The following ADD3 variants were observed in gnomAD, a reference collection of about 807,000 sequenced individuals.
ADD3 encodes adducin 3.
In ADD3, 25 loss-of-function variants were observed where a neutral mutation model predicts 80.2. The ratio of observed to expected loss-of-function variants is 0.31; its 90% CI spans 0.23 to 0.44. The LOEUF is 0.44. Among genes scored for constraint, ADD3 ranks in the 20% least tolerant of loss-of-function variants. The pLI, the probability that ADD3 is intolerant of heterozygous loss-of-function variation, is 1.00. For missense variants in ADD3, 829 were observed against 847.5 expected, an observed-to-expected ratio of 0.98 and a Z score of 0.27; for synonymous variants, 284 against 289.6, an observed-to-expected ratio of 0.98 and a Z score of 0.20.
intron 1 of ADD3, among the ~76,000 whole-genome samples, chr10:110,019,760 C>T (rs968851443): frequency 6.6e-6 from 1 of 152,114 alleles, no homozygotes; most frequent in Non-Finnish European, 1.5e-5. Flanking sequence ...GCTGAATTCA[C>T]CAGTTTGTAG....
rs145970430 is a variant in ADD3 at position 110,069,040 on chromosome 10, T to C, written c.-29-31585T>C. ...CTGCAGTGAGCCATGATCATGCCGC[T>C]GCACCCAGCCTGGGCAATAGAGTGG... On this transcript the variant is annotated intron_variant, in intron 1 of 14. Coordinates refer to ENST00000356080, the MANE Select transcript of ADD3 (RefSeq NM_016824.5). Among the ~76,000 whole-genome samples, 214 of 152,078 alleles carry C rather than the reference T, an allele frequency of 1.4e-3. 4 individuals carry two copies. The highest frequency in any genetic ancestry group is 4.9e-3 in the African/African-American group (204 of 41,446).
At chr10:110,079,457 AGAGAGTGTGTGT>A (rs1460588633) in intron 1 of ADD3, among the ~76,000 whole-genome samples, 17 of 121,184 alleles carry the variant, frequency 1.4e-4, no homozygotes, top group African/African-American at 4.9e-4. Context: ...AGAGAGAGAG[AGAGAGTGTGTGT>A]GTGTGTGTGT....
intron 1 of ADD3, among the ~76,000 whole-genome samples, chr10:110,061,353 CT>C (rs35542149): frequency 6.6e-6 from 1 of 152,022 alleles, no homozygotes; most frequent in Non-Finnish European, 1.5e-5. Context: ...GGTTGTCAGT[CT>C]TTTTTTTGGG....
At chr10:110,013,793 G>A (rs1018569265) in intron 1 of ADD3, among the ~76,000 whole-genome samples, 1 of 152,350 alleles carries the variant, frequency 6.6e-6, no homozygotes, top group Middle Eastern at 3.4e-3. Context: ...TGATGTGAGT[G>A]ACTCAGCCTG....
At chr10:110,106,167 A>G (rs2078501450) in intron 2 of ADD3, 1 of 151,216 alleles carries the variant, frequency 6.6e-6, no homozygotes, top group Non-Finnish European at 1.5e-5. Flanking sequence ...TTTTTGCCCC[A>G]ATTTTCCTCT....
intron 1 of ADD3, among the ~76,000 whole-genome samples, chr10:110,028,309 C>A (rs891348014): frequency 1.3e-5 from 2 of 151,856 alleles, no homozygotes; most frequent in Non-Finnish European, 2.9e-5. Flanking sequence ...CGTGGTGGCT[C>A]ACGCCTGTAA....
At chr10:110,092,721 A>G (rs1048207334) in intron 1 of ADD3, among the ~76,000 whole-genome samples, 1 of 152,166 alleles carries the variant, frequency 6.6e-6, no homozygotes, top group Non-Finnish European at 1.5e-5. Flanking sequence ...TGAACCTAAC[A>G]TAAAAGGGGT....
At chr10:110,114,471 A>G (rs1850441560) in intron 3 of ADD3, among the ~76,000 whole-genome samples, 1 of 152,226 alleles carries the variant, frequency 6.6e-6, no homozygotes, top group African/African-American at 2.4e-5. Flanking sequence ...GAAAGGGGCT[A>G]CAGTCGAGTA....
intron 1 of ADD3, among the ~76,000 whole-genome samples, chr10:110,091,444 A>C (rs1011601687): frequency 6.6e-6 from 1 of 152,226 alleles, no homozygotes; most frequent in Non-Finnish European, 1.5e-5. Flanking sequence ...CACATAGACC[A>C]ATGGAACAGG....
intron 1 of ADD3, among the ~76,000 whole-genome samples, chr10:110,067,481 G>T (rs902963336): frequency 3.9e-5 from 6 of 152,176 alleles, no homozygotes; most frequent in African/African-American, 1.4e-4. Context: ...CAGCAGGAAT[G>T]AGTTTAAAGA....
At chr10:110,017,382 A>G (rs1203834090) in intron 1 of ADD3, among the ~76,000 whole-genome samples, 1 of 152,206 alleles carries the variant, frequency 6.6e-6, no homozygotes, top group Admixed American at 6.5e-5. Flanking sequence ...TGAACTTCCA[A>G]ATGTTTTCTA....
At chr10:110,036,862 G>A (rs1356676172) in intron 1 of ADD3, among the ~76,000 whole-genome samples, 1 of 152,180 alleles carries the variant, frequency 6.6e-6, no homozygotes, top group Non-Finnish European at 1.5e-5. Flanking sequence ...TCTGGAGTTA[G>A]ATATTAGGTG....
intron 1 of ADD3, among the ~76,000 whole-genome samples, chr10:110,080,428 A>T (rs1845938160): frequency 6.6e-6 from 1 of 152,216 alleles, no homozygotes; most frequent in African/African-American, 2.4e-5. Flanking sequence ...TATTGTATAT[A>T]TTGTGTGGTC....
intron 11 of ADD3, 26 bp from the exon 12 acceptor site, chr10:110,126,391 T>C: frequency 6.3e-7 from 1 of 1,586,900 alleles, no homozygotes; most frequent in Non-Finnish European, 8.6e-7. Flanking sequence ...CTCAAGAACT[T>C]TATATTGAAT....
At chr10:110,119,619 G>A in intron 8 of ADD3, 55 bp downstream of exon 8, 1 of 1,475,240 alleles carries the variant, frequency 6.8e-7, no homozygotes, top group South Asian at 1.2e-5. Context: ...CGTTTAGTTG[G>A]ATTTTGTGTA....
intron 1 of ADD3, among the ~76,000 whole-genome samples, chr10:110,077,737 T>C (rs758598988): frequency 5.8e-4 from 88 of 151,556 alleles, no homozygotes; most frequent in Non-Finnish European, 9.4e-4. Flanking sequence ...AGGAGAATTA[T>C]TGTTGTTCAT....
At chr10:110,037,126 C>T (rs919802883) in intron 1 of ADD3, among the ~76,000 whole-genome samples, 2 of 152,122 alleles carry the variant, frequency 1.3e-5, no homozygotes, top group African/African-American at 2.4e-5. Flanking sequence ...TTTTCTAGTT[C>T]AGCTTTCTCA....
At chr10:110,106,775 C>T (rs918392666) in intron 2 of ADD3, among the ~76,000 whole-genome samples, 2 of 151,990 alleles carry the variant, frequency 1.3e-5, no homozygotes, top group African/African-American at 4.8e-5. Context: ...CTATAATGTT[C>T]TGGGGGCAAA....
chr10:110,043,520 G>T (rs1279348124), intron 1 of ADD3, among the ~76,000 whole-genome samples: 1 of 152,146 alleles, frequency 6.6e-6, no homozygotes, highest in East Asian at 1.9e-4. Context: ...TGGTAAGAAT[G>T]ATATAGTAAA....
Sources: allele counts gnomAD v4.1 joint callset (sites outside exome capture counted in the v4.1 genomes callset), GRCh38; gene constraint gnomAD v4.1.1; transcripts MANE v1.5; gene names NCBI Gene and HGNC (gene_info 2026-07-23, HGNC 2026-07-21).